ELFN1: variants seen among roughly 807,000 people sequenced by gnomAD.
ELFN1 encodes the protein extracellular leucine rich repeat and fibronectin type III domain containing 1.
A neutral mutation model predicts 7.6 loss-of-function variants in ELFN1; 6 were observed. That is an observed-to-expected ratio of 0.79 (90% CI 0.43 to 1.56). The LOEUF (loss-of-function observed/expected upper bound fraction) is 1.56, where lower values mean the gene tolerates loss of function less well. Ranked by LOEUF, ELFN1 falls within the 40% of genes most tolerant of loss-of-function variation. The pLI is 0.01. For synonymous variants in ELFN1, 657 were observed against 588.1 expected (o/e 1.12, Z -1.70); for missense variants, 1,169 against 1,232.2 (o/e 0.95, Z 0.77).
Position 1,745,886 on chromosome 7 carries a change from G to C in ELFN1, c.1290G>C (p.Val430=). Residue 430 remains valine (V), a synonymous_variant, in exon 4 of 4, where the codon GTG becomes GTC. Coordinates refer to ENST00000424383, the MANE Select transcript of ELFN1 (RefSeq NM_001128636.4). ...MTILGCLFGM[V]LVLGAVYYCL... is the part of the protein sequence containing the mutation. ...TCCTGGGCTGCCTCTTCGGCATGGT[G>C]CTGGTGCTGGGCGCCGTCTACTACT... is the stretch of plus-strand genomic sequence containing the variant. 1 of 1,591,330 alleles carries C rather than the reference G, an allele frequency of 6.3e-7. No individual in the cohort carries two copies. Among genetic ancestry groups the C allele is most frequent in the Admixed American group, 1.8e-5 (1 of 56,830 alleles).
intron 1 of ELFN1, among the ~76,000 whole-genome samples, chr7:1,674,241 G>T (rs1396996630): frequency 1.3e-5 from 2 of 152,162 alleles, no homozygotes; most frequent in Non-Finnish European, 2.9e-5. Flanking sequence ...GGGCCATGGG[G>T]GTGCACAGGA....
chr7:1,732,731 C>T (rs1780350794), intron 3 of ELFN1, among the ~76,000 whole-genome samples: 1 of 151,960 alleles, frequency 6.6e-6, no homozygotes. Context: ...GAAATATGCC[C>T]CACGGAGCTG....
chr7:1,681,032 G>T (rs1182455978), intron 1 of ELFN1, among the ~76,000 whole-genome samples: 5 of 151,974 alleles, frequency 3.3e-5, no homozygotes, highest in African/African-American at 1.2e-4. Flanking sequence ...GTGAGCCACT[G>T]CGCCCAGCCT....
chr7:1,719,395 C>G (rs1431619610), intron 3 of ELFN1, among the ~76,000 whole-genome samples: 2 of 150,446 alleles, frequency 1.3e-5, no homozygotes, highest in Non-Finnish European at 3.0e-5. Flanking sequence ...AGGGCCTCGC[C>G]CACCAACAGG....
intron 3 of ELFN1, among the ~76,000 whole-genome samples, chr7:1,723,643 C>T (rs1780093009): frequency 6.6e-6 from 1 of 152,238 alleles, no homozygotes; most frequent in South Asian, 2.1e-4. Flanking sequence ...CCAGCTTCTC[C>T]AGGGCTGTGC....
At chr7:1,674,745 G>A (rs1778834379) in intron 1 of ELFN1, among the ~76,000 whole-genome samples, 1 of 152,152 alleles carries the variant, frequency 6.6e-6, no homozygotes, top group Non-Finnish European at 1.5e-5. Flanking sequence ...GCCTCCCTGT[G>A]TGTTGTGCCC....
intron 1 of ELFN1, among the ~76,000 whole-genome samples, chr7:1,679,006 G>T (rs1778924175): frequency 6.6e-6 from 1 of 151,998 alleles, no homozygotes; most frequent in African/African-American, 2.4e-5. Flanking sequence ...GAGAGGCCTG[G>T]GGACCCTGAC....
intron 3 of ELFN1, among the ~76,000 whole-genome samples, chr7:1,714,321 G>A (rs997875113): frequency 4.6e-5 from 7 of 152,148 alleles, no homozygotes; most frequent in Admixed American, 3.9e-4. Context: ...CCCCCTGCCC[G>A]GGACAGACTG....
At position 1,744,407 on chromosome 7, in the gene ELFN1, G is replaced by A. The variant is rs938992413; in HGVS notation, c.-190G>A. ...AGGACTGGGGCGGAAGACGAGAGGC[G>A]GCCGGCCGTGAGGGAGGCGCCCTCC... On this transcript the variant is annotated 5_prime_UTR_variant, in exon 4 of 4. Transcript: ENST00000424383. 79 of 606,138 alleles carry A rather than the reference G, an allele frequency of 1.3e-4. No individual in the cohort carries two copies. Among genetic ancestry groups the A allele is most frequent in the Admixed American group, 3.3e-4 (9 of 27,154 alleles). The allele number at this position is 606,138 out of a possible 1,614,324, so 37.5% of individuals were successfully genotyped here. A position where few individuals can be genotyped will look rare whatever the true frequency, so the allele number is the denominator to read the frequency against.
chr7:1,714,818 C>G (rs562537128), intron 3 of ELFN1, among the ~76,000 whole-genome samples: 1 of 152,342 alleles, frequency 6.6e-6, no homozygotes, highest in African/African-American at 2.4e-5. Context: ...GCAAGACAAA[C>G]CTAAACACTG....
chr7:1,726,463 A>T (rs992913074), intron 3 of ELFN1, among the ~76,000 whole-genome samples: 1 of 152,232 alleles, frequency 6.6e-6, no homozygotes, highest in Non-Finnish European at 1.5e-5. Flanking sequence ...CACCACGCCA[A>T]GTCCCTCCCC....
At chr7:1,676,642 C>A (rs183557773) in intron 1 of ELFN1, among the ~76,000 whole-genome samples, 8 of 152,354 alleles carry the variant, frequency 5.3e-5, no homozygotes, top group Admixed American at 4.6e-4. Context: ...TCGGTCCCTG[C>A]GTCCCTCTGT....
chr7:1,696,577 T>A (rs533461516), intron 2 of ELFN1, among the ~76,000 whole-genome samples: 62 of 152,060 alleles, frequency 4.1e-4, no homozygotes, highest in African/African-American at 1.4e-3. Flanking sequence ...GTTTAAAACT[T>A]TTTTCTGTGG....
Position 1,745,946 on chromosome 7 carries a change from C to G in ELFN1, c.1350C>G (p.His450Gln), listed in dbSNP as rs768405607. Residue 450 changes from histidine to glutamine, a missense_variant, in exon 4 of 4, where the codon CAC becomes CAG. By Grantham distance (24) the His-to-Gln change is conservative. Transcript: ENST00000424383. ...GGCGGCGGCGCCAGGAGGAGAAGCA[C>G]AAGAAGGCCGCCTCGGCAGCCGCAG... The part of the protein sequence containing the change: ...LRRRRRQEEK[H>Q]KKAASAAAAG... 1.3e-6 allele frequency: 2 copies of G among 1,553,670 alleles called. No individual in the cohort carries two copies. The highest frequency in any genetic ancestry group is 2.4e-5 in the East Asian group (1 of 41,052).
chr7:1,706,670 T>A (rs1779536434), intron 2 of ELFN1, among the ~76,000 whole-genome samples: 1 of 152,198 alleles, frequency 6.6e-6, no homozygotes, highest in African/African-American at 2.4e-5. Context: ...CTAGCAGCAA[T>A]GCAAGGACCA....
At chr7:1,681,829 G>T (rs997528061) in intron 1 of ELFN1, among the ~76,000 whole-genome samples, 1 of 152,190 alleles carries the variant, frequency 6.6e-6, no homozygotes, top group African/African-American at 2.4e-5. Context: ...GTTTAAATTT[G>T]CATTTTCCGA....
rs1162137462 is a variant in ELFN1, at chr7:1,744,992, C to T, written c.396C>T (p.Gly132=). ...NLTEGMLRGL[G]KLEYLYLQAN... ...CGGAGGGCATGCTGCGCGGCCTGGGCAAGCTGGAGTACCTGTACCTGCAGG... is the reference window on the plus strand; with the variant it reads ...CGGAGGGCATGCTGCGCGGCCTGGGTAAGCTGGAGTACCTGTACCTGCAGG... The change falls in exon 4 of 4, where the codon GGC becomes GGT. Residue 132 remains glycine (G), a synonymous_variant. Transcript: ENST00000424383. 5.8e-6 allele frequency: 9 copies of T among 1,551,032 alleles called. No individual in the cohort carries two copies. The highest frequency in any genetic ancestry group is 7.0e-6 in the Non-Finnish European group (8 of 1,147,014).
intron 3 of ELFN1, among the ~76,000 whole-genome samples, chr7:1,713,534 C>G (rs1372162448): frequency 6.6e-6 from 1 of 152,152 alleles, no homozygotes; most frequent in Non-Finnish European, 1.5e-5. Context: ...TTGCTTTTAT[C>G]CAGGCAGTGA....
chr7:1,716,293 A>G (rs1779829166), intron 3 of ELFN1, among the ~76,000 whole-genome samples: 2 of 152,122 alleles, frequency 1.3e-5, no homozygotes, highest in Non-Finnish European at 2.9e-5. Flanking sequence ...GTCTAGGGTC[A>G]TCGTGTTGTG....
Sources: allele counts gnomAD v4.1 joint callset (sites outside exome capture counted in the v4.1 genomes callset), GRCh38; gene constraint gnomAD v4.1.1; transcripts MANE v1.5; gene names NCBI Gene and HGNC (gene_info 2026-07-23, HGNC 2026-07-21).